NBEAL1: variants seen among roughly 807,000 people sequenced by gnomAD.
NBEAL1 encodes neurobeachin-like protein 1.
Under a neutral mutation model 351.3 loss-of-function variants are expected in NBEAL1, and 273 were observed. That is an observed-to-expected ratio of 0.78 (90% CI 0.70 to 0.86). The LOEUF is 0.86. NBEAL1 is among the 40% of genes least tolerant of loss of function. NBEAL1 has a pLI of 0.00. For missense variants in NBEAL1, 2,961 were observed against 3,201.3 expected, an observed-to-expected ratio of 0.92 and a Z score of 1.81; for synonymous variants, 1,050 against 1,086.4, an observed-to-expected ratio of 0.97 and a Z score of 0.66.
At chr2:203,204,950 T>A (rs1440774696) in intron 51 of NBEAL1, among the ~76,000 whole-genome samples, 1 of 152,138 alleles carries the variant, frequency 6.6e-6, no homozygotes, top group Non-Finnish European at 1.5e-5. Flanking sequence ...AATCATGTGA[T>A]CTGAAAATAA....
chr2:203,179,692 G>T (rs1044078333), intron 42 of NBEAL1, among the ~76,000 whole-genome samples: 3 of 151,898 alleles, frequency 2.0e-5, no homozygotes, highest in Non-Finnish European at 2.9e-5. Context: ...CAAGTATATT[G>T]ATACTATAAT....
intron 2 of NBEAL1, among the ~76,000 whole-genome samples, chr2:203,027,255 A>G (rs1574862735): frequency 6.6e-6 from 1 of 152,220 alleles, no homozygotes; most frequent in Admixed American, 6.5e-5. Context: ...TGGAATTTAC[A>G]TTATAATGTG....
chr2:203,107,720 T>G lies in NBEAL1; in HGVS notation c.1481T>G (p.Phe494Cys), dbSNP rs1392102307. ...CTACAATCCCATGACCTGCAAATCT[T>G]CATCTCTGATTGGCTGAAAAGAATT... is the stretch of plus-strand genomic sequence containing the variant. Reference protein sequence around the residue: ...PELQSHDLQIFISDWLKRICC... With the variant: ...PELQSHDLQICISDWLKRICC... The change falls in exon 14 of 56, where the codon TTC becomes TGC. Residue 494 changes from phenylalanine to cysteine, a missense_variant. Transcript: ENST00000683969. 1 of 1,553,548 alleles carries G rather than the reference T, an allele frequency of 6.4e-7. No homozygotes were observed. Among genetic ancestry groups the G allele is most frequent in the East Asian group, 2.4e-5 (1 of 41,468 alleles).
At position 203,221,177 on chromosome 2, in the gene NBEAL1, T is replaced by A. The variant is rs1442768114; in HGVS notation, c.*3823T>A. ...TTAACTTGGATACCAGATTTTTATT[T>A]AATGATGATAGAGATATGACCTTTG... On this transcript the variant is annotated 3_prime_UTR_variant, in exon 56 of 56. Transcript: ENST00000683969. Among the ~76,000 whole-genome samples the A allele has an allele frequency of 6.6e-6, 1 of 152,010 alleles. No individual in the cohort carries two copies. Among genetic ancestry groups the A allele is most frequent in the Non-Finnish European group, 1.5e-5 (1 of 67,976 alleles).
chr2:203,059,323 G>A (rs2061458215), intron 6 of NBEAL1, among the ~76,000 whole-genome samples: 1 of 152,168 alleles, frequency 6.6e-6, no homozygotes, highest in Non-Finnish European at 1.5e-5. Flanking sequence ...TTATGCTTCA[G>A]TAACAAACAA....
At chr2:203,178,271 T>G (rs2064584842) in intron 42 of NBEAL1, among the ~76,000 whole-genome samples, 1 of 151,686 alleles carries the variant, frequency 6.6e-6, no homozygotes, top group African/African-American at 2.4e-5. Context: ...CTCAAGCGAT[T>G]CTCCTGCCTC....
Position 203,188,525 on chromosome 2 carries a change from C to T in NBEAL1, c.6759C>T (p.Gly2253=). The T allele has an allele frequency of 6.2e-7, 1 of 1,609,654 alleles. No individual in the cohort carries two copies. Among genetic ancestry groups the T allele is most frequent in the Non-Finnish European group, 8.5e-7 (1 of 1,178,144 alleles). The change falls in exon 45 of 56, where the codon GGC becomes GGT. Residue 2253 remains glycine (G), a synonymous_variant. Coordinates refer to ENST00000683969, the MANE Select transcript of NBEAL1 (RefSeq NM_001378026.1). The part of the protein sequence containing the change: ...HLHEWIDLIF[G]YKQRGPAAVE... ...ATGAATGGATAGATCTGATCTTTGG[C>T]TATAAACAGAGGGGACCAGCTGCAG...
chr2:203,086,389 T>C (rs1258284630), intron 10 of NBEAL1, among the ~76,000 whole-genome samples: 1 of 152,212 alleles, frequency 6.6e-6, no homozygotes, highest in African/African-American at 2.4e-5. Flanking sequence ...ATGTCTCACC[T>C]TTGGATGTGT....
intron 10 of NBEAL1, among the ~76,000 whole-genome samples, chr2:203,094,885 G>A (rs1422432675): frequency 6.6e-6 from 1 of 152,292 alleles, no homozygotes; most frequent in Admixed American, 6.5e-5. Context: ...ACTTTTGGAG[G>A]CCAAGGCAGG....
intron 10 of NBEAL1, among the ~76,000 whole-genome samples, chr2:203,093,174 G>A (rs886117551): frequency 3.5e-5 from 5 of 144,230 alleles, no homozygotes; most frequent in Non-Finnish European, 7.5e-5. Flanking sequence ...GGAGGTTGCA[G>A]TGAGCCGAGA....
rs989955011 is a variant in NBEAL1, at chr2:203,140,301, T to TA, written c.4848+1568dup. Among the ~76,000 whole-genome samples the TA allele has an allele frequency of 7.5e-3, 895 of 119,646 alleles. 6 individuals carry two copies. The highest frequency in any genetic ancestry group is 0.012 in the Admixed American group (146 of 11,710). 78.5% of individuals were successfully genotyped at this position (119,646 alleles called of 152,430 possible). A position where few individuals can be genotyped will look rare whatever the true frequency, so the allele number is the denominator to read the frequency against. On this transcript the variant is annotated intron_variant, in intron 31 of 55. Coordinates refer to ENST00000683969, the MANE Select transcript of NBEAL1 (RefSeq NM_001378026.1). ...CTGGGCAACAAGAGCAAAACTCTGT[T>TA]AAAAAAAAAAAAAAAGAAAATACAC...
intron 43 of NBEAL1, 51 bp from the exon 44 acceptor site, chr2:203,183,228 G>A (rs375521301): frequency 1.2e-4 from 125 of 1,036,530 alleles, no homozygotes; most frequent in Non-Finnish European, 1.5e-4. Context: ...GTTTTACTTC[G>A]TTTATTATAA....
chr2:203,080,131 C>A (rs893343746), intron 8 of NBEAL1, among the ~76,000 whole-genome samples: 1 of 151,960 alleles, frequency 6.6e-6, no homozygotes, highest in Non-Finnish European at 1.5e-5. Context: ...GTTTCCTGGC[C>A]GGGCATGGTG....
chr2:203,110,642 C>G (rs544615541), intron 15 of NBEAL1, among the ~76,000 whole-genome samples: 1 of 148,022 alleles, frequency 6.8e-6, no homozygotes, highest in East Asian at 2.0e-4. Flanking sequence ...CCACTGTACT[C>G]CAGCCTGGGC....
intron 18 of NBEAL1, among the ~76,000 whole-genome samples, chr2:203,117,908 T>C (rs1218211964): frequency 1.3e-5 from 2 of 152,006 alleles, no homozygotes; most frequent in Non-Finnish European, 2.9e-5. Context: ...AGGCTAGTCT[T>C]GAATTCCTGG....
intron 10 of NBEAL1, chr2:203,086,327 G>A (rs527464454): frequency 6.6e-6 from 1 of 152,108 alleles, no homozygotes; most frequent in African/African-American, 2.4e-5. Flanking sequence ...GGCATTCCCT[G>A]TTTGGTTCTA....
rs537513468 is a variant in NBEAL1, at chr2:203,148,978, T to C, written c.5305-13T>C. ...TATGAGTCAATGACCTTACTTTTTA[T>C]TGTTTCTTTCAGGAGCTGTTTGTGG... On this transcript the variant is annotated splice_polypyrimidine_tract_variant and intron_variant, in intron 33 of 55. Transcript: ENST00000683969. 6.9e-6 allele frequency: 11 copies of C among 1,598,286 alleles called. No individual in the cohort carries two copies. In the South Asian group the frequency reaches 1.1e-4, roughly 16 times the overall value.
intron 12 of NBEAL1, among the ~76,000 whole-genome samples, chr2:203,101,708 G>A (rs1165625003): frequency 6.6e-6 from 1 of 152,118 alleles, no homozygotes; most frequent in Admixed American, 6.6e-5. Flanking sequence ...CGATTCTCCT[G>A]CCTCAGCTTC....
chr2:203,081,586 T>C (rs1382049718), intron 8 of NBEAL1, among the ~76,000 whole-genome samples: 1 of 152,244 alleles, frequency 6.6e-6, no homozygotes, highest in Admixed American at 6.5e-5. Context: ...TAAGTTACTT[T>C]TCTAATTAAA....
Sources: gnomAD v4.1 joint callset for allele counts (sites outside exome capture counted in the v4.1 genomes callset) on GRCh38, gnomAD v4.1.1 for gene constraint, MANE v1.5 for transcripts, NCBI Gene and HGNC (gene_info 2026-07-23, HGNC 2026-07-21) for gene names.